ZNF521: variants seen among roughly 807,000 people sequenced by gnomAD.
ZNF521 encodes zinc finger protein 521, also known as LYST-interacting protein 3.
A neutral mutation model predicts 105.5 loss-of-function variants in ZNF521; 14 were observed. That is an observed-to-expected ratio of 0.13 (90% CI 0.09 to 0.21). The LOEUF is 0.21. ZNF521 is among the 10% of genes least tolerant of loss of function. ZNF521 has a pLI of 1.00. For synonymous variants in ZNF521, 635 were observed against 606.0 expected (o/e 1.05, Z -0.70); for missense variants, 1,233 against 1,629.7 (o/e 0.76, Z 4.19).
intron 3 of ZNF521, among the ~76,000 whole-genome samples, chr18:25,279,790 C>G (rs1410050614): frequency 6.6e-6 from 1 of 152,070 alleles, no homozygotes; most frequent in Non-Finnish European, 1.5e-5. Context: ...CACTTGAGCT[C>G]TGCTTTTGTG....
chr18:25,160,755 C>T (rs73402932), intron 5 of ZNF521, among the ~76,000 whole-genome samples: 2,268 of 152,082 alleles, frequency 0.015, 58 homozygotes, highest in African/African-American at 0.051. Flanking sequence ...ACAAACAAGC[C>T]GTATGCCATA....
intron 5 of ZNF521, among the ~76,000 whole-genome samples, chr18:25,142,320 A>G (rs976205652): frequency 6.6e-6 from 1 of 152,206 alleles, no homozygotes; most frequent in Non-Finnish European, 1.5e-5. Flanking sequence ...ATTCAGATGC[A>G]TCACTACTGA....
At chr18:25,297,909 G>A (rs1485935211) in intron 3 of ZNF521, among the ~76,000 whole-genome samples, 5 of 151,968 alleles carry the variant, frequency 3.3e-5, no homozygotes, top group Non-Finnish European at 7.4e-5. Flanking sequence ...CCCATTCTTA[G>A]ACTTTTTGAT....
At chr18:25,220,761 A>T (rs1158039034) in intron 4 of ZNF521, among the ~76,000 whole-genome samples, 1 of 152,334 alleles carries the variant, frequency 6.6e-6, no homozygotes, top group East Asian at 1.9e-4. Flanking sequence ...AACTTGACTA[A>T]GAAGCACACT....
intron 5 of ZNF521, among the ~76,000 whole-genome samples, chr18:25,145,670 G>A (rs1191837612): frequency 6.6e-6 from 1 of 152,078 alleles, no homozygotes; most frequent in Admixed American, 6.6e-5. Context: ...TTTGAGCAAG[G>A]ACAAAAGACT....
At chr18:25,163,606 C>T (rs1410728715) in intron 5 of ZNF521, among the ~76,000 whole-genome samples, 1 of 152,156 alleles carries the variant, frequency 6.6e-6, no homozygotes, top group Non-Finnish European at 1.5e-5. Flanking sequence ...GCAATTGGAA[C>T]AGAACGCCTG....
chr18:25,278,598 T>C (rs1284280883), intron 3 of ZNF521, among the ~76,000 whole-genome samples: 1 of 152,228 alleles, frequency 6.6e-6, no homozygotes, highest in Non-Finnish European at 1.5e-5. Flanking sequence ...ATTGAGATCC[T>C]AGCATATGGC....
At chr18:25,273,238 A>AAAAAAAAAAC (rs1909796639) in intron 3 of ZNF521, among the ~76,000 whole-genome samples, 1 of 148,718 alleles carries the variant, frequency 6.7e-6, no homozygotes, top group African/African-American at 2.5e-5. Flanking sequence ...AAAAAAAAAA[A>AAAAAAAAAAC]AAAAAAAAAA....
intron 1 of ZNF521, chr18:25,351,417 T>C (rs999409416): frequency 9.5e-5 from 14 of 147,078 alleles, no homozygotes; most frequent in African/African-American, 3.2e-4. Context: ...GTCTGGGTGA[T>C]TTTTTTTTTC....
At chr18:25,275,487 T>A (rs181064074) in intron 3 of ZNF521, among the ~76,000 whole-genome samples, 32 of 152,316 alleles carry the variant, frequency 2.1e-4, no homozygotes, top group Middle Eastern at 3.4e-3. Context: ...CATGCGGTAA[T>A]AACATCATGT....
At chr18:25,087,215 C>G (rs1029843076) in intron 7 of ZNF521, among the ~76,000 whole-genome samples, 3 of 152,128 alleles carry the variant, frequency 2.0e-5, no homozygotes, top group Admixed American at 6.5e-5. Context: ...ATCCTGAGAT[C>G]AAGGAGTCTG....
intron 5 of ZNF521, among the ~76,000 whole-genome samples, chr18:25,105,872 A>T (rs2034062246): frequency 6.6e-6 from 1 of 152,206 alleles, no homozygotes; most frequent in African/African-American, 2.4e-5. Context: ...TGTGTTGATA[A>T]CGTATGTTTA....
intron 5 of ZNF521, among the ~76,000 whole-genome samples, chr18:25,157,722 T>C (rs1176026164): frequency 6.6e-6 from 1 of 152,116 alleles, no homozygotes; most frequent in Non-Finnish European, 1.5e-5. Context: ...TGCCAACTAT[T>C]ACCTGTGTGG....
At chr18:25,070,805 C>T (rs1372324589) in intron 7 of ZNF521, among the ~76,000 whole-genome samples, 3 of 151,964 alleles carry the variant, frequency 2.0e-5, no homozygotes, top group Non-Finnish European at 4.4e-5. Context: ...AGGAACACTG[C>T]CTTATACTGT....
intron 5 of ZNF521, among the ~76,000 whole-genome samples, chr18:25,140,887 G>A (rs1375729884): frequency 6.6e-6 from 1 of 152,152 alleles, no homozygotes; most frequent in African/African-American, 2.4e-5. Flanking sequence ...TCAAAGGCCT[G>A]CTTAACATTC....
intron 5 of ZNF521, among the ~76,000 whole-genome samples, chr18:25,180,264 A>G (rs538304456): frequency 6.6e-6 from 1 of 152,328 alleles, no homozygotes; most frequent in African/African-American, 2.4e-5. Flanking sequence ...AGAAGTTACA[A>G]TTGTCCTAAG....
At chr18:25,275,787 G>A (rs145012538) in intron 3 of ZNF521, among the ~76,000 whole-genome samples, 317 of 152,326 alleles carry the variant, frequency 2.1e-3, no homozygotes, top group African/African-American at 7.4e-3. Context: ...CACGGAGACA[G>A]GAAGCTTGGG....
intron 3 of ZNF521, among the ~76,000 whole-genome samples, chr18:25,296,669 T>C (rs1319528676): frequency 6.6e-6 from 1 of 152,148 alleles, no homozygotes; most frequent in Non-Finnish European, 1.5e-5. Context: ...CCTCTGCAAA[T>C]ACCTTCTCTT....
In ZNF521 at chr18:25,205,660, G is replaced by A. The variant is rs188911645; in HGVS notation, c.3574-10416C>T. Among the ~76,000 whole-genome samples, 190 of 152,202 alleles carry A rather than the reference G, an allele frequency of 1.2e-3. 3 individuals are homozygous for A. The highest frequency in any genetic ancestry group is 0.012 in the Admixed American group (189 of 15,288). On this transcript the variant is annotated intron_variant, in intron 4 of 7. Coordinates refer to ENST00000361524, the MANE Select transcript of ZNF521 (RefSeq NM_015461.3). ...ATGCCCAGAGAGACCCCATCCAGAA[G>A]AGTGGTAGTATAACTTATAATCCCA...
Sources: allele counts gnomAD v4.1 joint callset (sites outside exome capture counted in the v4.1 genomes callset), GRCh38; gene constraint gnomAD v4.1.1; transcripts MANE v1.5; gene names NCBI Gene and HGNC (gene_info 2026-07-23, HGNC 2026-07-21).